Variants in RAPGEF5 observed in about 807,000 individuals in gnomAD.
RAPGEF5 encodes the protein Rap guanine nucleotide exchange factor 5, also known as M-Ras-regulated GEF.
A neutral mutation model predicts 125.2 loss-of-function variants in RAPGEF5; 65 were observed. That is an observed-to-expected ratio of 0.52 (90% CI 0.43 to 0.64). The LOEUF (loss-of-function observed/expected upper bound fraction) is 0.64, where lower values mean the gene tolerates loss of function less well. Ranked by LOEUF, RAPGEF5 falls within the 30% of genes least tolerant of loss-of-function variation. The probability of loss-of-function intolerance (pLI) is 0.00; values close to 1 mark genes in which losing one functional copy is unlikely to be tolerated. For missense variants in RAPGEF5, 958 were observed against 1,048.1 expected, an observed-to-expected ratio of 0.91 and a Z score of 1.19; for synonymous variants, 391 against 385.9, an observed-to-expected ratio of 1.01 and a Z score of -0.16.
At chr7:22,195,259 T>G (rs1785120559) in intron 9 of RAPGEF5, among the ~76,000 whole-genome samples, 1 of 152,182 alleles carries the variant, frequency 6.6e-6, no homozygotes, top group Admixed American at 6.5e-5. Context: ...GTCAATGTAT[T>G]TGATTCACCT....
At position 22,143,689 on chromosome 7, in the gene RAPGEF5, A is replaced by T. The variant is rs115317449; in HGVS notation, c.2186+1355T>A. On this transcript the variant is annotated intron_variant, in intron 20 of 25. Coordinates refer to ENST00000665637, the MANE Select transcript of RAPGEF5 (RefSeq NM_012294.5). Reference sequence around the variant, plus strand: ...CCACCCAGAATTCAAATAGATTCAAAGGCAACTTCCTTCACCAACGTTTTC... The same window carrying T: ...CCACCCAGAATTCAAATAGATTCAATGGCAACTTCCTTCACCAACGTTTTC... Among the ~76,000 whole-genome samples, 805 of 152,276 alleles carry T rather than the reference A, an allele frequency of 5.3e-3. 11 individuals are homozygous for T. Among genetic ancestry groups the T allele is most frequent in the African/African-American group, 0.019 (776 of 41,554 alleles).
chr7:22,249,802 G>A (rs1417339855), intron 7 of RAPGEF5, among the ~76,000 whole-genome samples: 2 of 152,154 alleles, frequency 1.3e-5, no homozygotes, highest in African/African-American at 2.4e-5. Context: ...ACTTTTGAAT[G>A]TGATTGTCAA....
chr7:22,162,292 A>G, intron 13 of RAPGEF5, 105 bp downstream of exon 13: 1 of 1,221,496 alleles, frequency 8.2e-7, no homozygotes, highest in Non-Finnish European at 1.1e-6. Context: ...TGACTATCAC[A>G]AGAAAGCTGA....
intron 6 of RAPGEF5, among the ~76,000 whole-genome samples, chr7:22,274,797 C>A (rs962645649): frequency 6.6e-6 from 1 of 152,186 alleles, no homozygotes; most frequent in Non-Finnish European, 1.5e-5. Flanking sequence ...CTCCATCCCA[C>A]ATCATTCTCT....
intron 23 of RAPGEF5, among the ~76,000 whole-genome samples, chr7:22,133,539 T>C (rs534195313): frequency 2.7e-4 from 41 of 152,290 alleles, no homozygotes; most frequent in African/African-American, 8.4e-4. Context: ...TGAAATGACT[T>C]TGAAGAGATG....
intron 11 of RAPGEF5, among the ~76,000 whole-genome samples, chr7:22,184,591 A>G (rs984080627): frequency 8.5e-5 from 13 of 152,220 alleles, no homozygotes; most frequent in Non-Finnish European, 1.8e-4. Flanking sequence ...TCCATTAAAT[A>G]TCTTCCTTTG....
chr7:22,285,118 C>T (rs1013450784), intron 6 of RAPGEF5, among the ~76,000 whole-genome samples: 2 of 152,166 alleles, frequency 1.3e-5, no homozygotes, highest in African/African-American at 4.8e-5. Context: ...GTCGTTTATC[C>T]TAGTGACCAT....
chr7:22,159,100 A>G (rs1289871037), intron 14 of RAPGEF5, among the ~76,000 whole-genome samples: 1 of 152,240 alleles, frequency 6.6e-6, no homozygotes, highest in Non-Finnish European at 1.5e-5. Context: ...TCTGCCTCAT[A>G]GCACAGAGCA....
chr7:22,294,047 G>A (rs928348076), intron 5 of RAPGEF5, among the ~76,000 whole-genome samples: 7 of 152,164 alleles, frequency 4.6e-5, no homozygotes, highest in Non-Finnish European at 7.3e-5. Context: ...AACAGATGCA[G>A]CAGAGGAAAA....
intron 17 of RAPGEF5, among the ~76,000 whole-genome samples, chr7:22,151,867 C>T (rs1339189626): frequency 6.6e-6 from 1 of 152,066 alleles, no homozygotes; most frequent in African/African-American, 2.4e-5. Flanking sequence ...TTCATATATT[C>T]CTCCTCTATC....
chr7:22,162,326 T>C (rs1170864697), intron 13 of RAPGEF5, 71 bp downstream of exon 13: 1 of 1,454,334 alleles, frequency 6.9e-7, no homozygotes, highest in Admixed American at 1.9e-5. Flanking sequence ...ACAAATGAGA[T>C]TTTTAAAATG....
intron 7 of RAPGEF5, among the ~76,000 whole-genome samples, chr7:22,263,657 G>A (rs1782212441): frequency 6.6e-6 from 1 of 151,882 alleles, no homozygotes; most frequent in Non-Finnish European, 1.5e-5. Context: ...TTGAACCTGG[G>A]AGGCAGAGGT....
Position 22,356,918 on chromosome 7 carries a change from G to T in RAPGEF5, c.143C>A (p.Ala48Glu). 1 of 1,090,852 alleles carries T rather than the reference G, an allele frequency of 9.2e-7. No homozygotes were observed. Among genetic ancestry groups the T allele is most frequent in the African/African-American group, 1.7e-5 (1 of 59,624 alleles). 67.6% of individuals were successfully genotyped at this position (1,090,852 alleles called of 1,614,324 possible). ...AREPEREQPPASLRPRLRDLP... is the reference protein window; with the variant it reads ...AREPEREQPPESLRPRLRDLP... ...GTCCCTCAGCCGCGGCCGCAGCGAC[G>T]CCGGCGGCTGCTCGCGCTCGGGCTC... Residue 48 changes from alanine to glutamate, a missense_variant, in exon 1 of 26, where the codon GCG (alanine) becomes GAG (glutamate). Ala to Glu is a moderately radical substitution (Grantham distance 107). Transcript: ENST00000665637.
intron 6 of RAPGEF5, among the ~76,000 whole-genome samples, chr7:22,289,097 G>A (rs1782869822): frequency 6.6e-6 from 1 of 152,114 alleles, no homozygotes; most frequent in Non-Finnish European, 1.5e-5. Context: ...TCCAGTGTCT[G>A]CAGTGAAGCT....
chr7:22,207,458 C>A (rs1184665665), intron 9 of RAPGEF5, among the ~76,000 whole-genome samples: 1 of 152,106 alleles, frequency 6.6e-6, no homozygotes, highest in Non-Finnish European at 1.5e-5. Context: ...AGACTGGGGA[C>A]AGCCAGGGGG....
chr7:22,174,949 C>G (rs540932007), intron 11 of RAPGEF5, among the ~76,000 whole-genome samples: 2 of 151,940 alleles, frequency 1.3e-5, no homozygotes, highest in African/African-American at 2.4e-5. Context: ...GGAGCCAGTA[C>G]CTAAAGAGGA....
intron 5 of RAPGEF5, among the ~76,000 whole-genome samples, chr7:22,295,914 G>A (rs560523949): frequency 3.9e-4 from 59 of 152,266 alleles, no homozygotes; most frequent in African/African-American, 1.4e-3. Context: ...TGGCCAGAGA[G>A]TGTGAATCCA....
chr7:22,282,965 G>A (rs1259253166), intron 6 of RAPGEF5, among the ~76,000 whole-genome samples: 1 of 150,338 alleles, frequency 6.7e-6, no homozygotes, highest in Non-Finnish European at 1.5e-5. Context: ...TTAGCTCCAA[G>A]AACATATTAA....
intron 9 of RAPGEF5, among the ~76,000 whole-genome samples, chr7:22,206,360 T>C (rs1562761186): frequency 1.3e-5 from 2 of 152,206 alleles, no homozygotes. Context: ...CATGTGATAG[T>C]TGATCAAGAA....
Sources: allele counts gnomAD v4.1 joint callset (sites outside exome capture counted in the v4.1 genomes callset), GRCh38; gene constraint gnomAD v4.1.1; transcripts MANE v1.5; gene names NCBI Gene and HGNC (gene_info 2026-07-23, HGNC 2026-07-21).